CTNNA2: variants seen among roughly 807,000 people sequenced by gnomAD.
CTNNA2 encodes catenin alpha-2.
Under a neutral mutation model 101.0 loss-of-function variants are expected in CTNNA2, and 42 were observed. That is an observed-to-expected ratio of 0.42 (90% CI 0.32 to 0.54). The LOEUF is 0.54. CTNNA2 is among the 20% of genes least tolerant of loss of function. The pLI, the probability that CTNNA2 is intolerant of heterozygous loss-of-function variation, is 0.14. For missense variants in CTNNA2, 871 were observed against 1,223.1 expected (o/e 0.71, Z 4.29); for synonymous variants, 450 against 456.4 (o/e 0.99, Z 0.18).
intron 3 of CTNNA2, among the ~76,000 whole-genome samples, chr2:79,334,034 A>G (rs1676935861): frequency 6.6e-6 from 1 of 152,172 alleles, no homozygotes; most frequent in Non-Finnish European, 1.5e-5. Context: ...TGATCAAATC[A>G]TGGTAATTGG....
intron 7 of CTNNA2, among the ~76,000 whole-genome samples, chr2:80,275,090 C>T (rs918353850): frequency 8.5e-5 from 13 of 152,138 alleles, no homozygotes; most frequent in African/African-American, 3.1e-4. Context: ...ACATATAGTT[C>T]TCTGGAGATA....
chr2:79,891,319 G>A (rs1684288698), intron 6 of CTNNA2, among the ~76,000 whole-genome samples: 1 of 152,132 alleles, frequency 6.6e-6, no homozygotes, highest in Admixed American at 6.5e-5. Flanking sequence ...CTCAGGTGAT[G>A]TATTTGAGAA....
chr2:79,912,749 G>T (rs1299951229), intron 7 of CTNNA2, among the ~76,000 whole-genome samples: 1 of 152,196 alleles, frequency 6.6e-6, no homozygotes, highest in Non-Finnish European at 1.5e-5. Flanking sequence ...AGACTTAAAA[G>T]GATGCGCGGC....
At chr2:80,610,682 C>T (rs1698390395) in intron 17 of CTNNA2, among the ~76,000 whole-genome samples, 2 of 151,628 alleles carry the variant, frequency 1.3e-5, no homozygotes, top group African/African-American at 4.8e-5. Flanking sequence ...GATGTCAAAA[C>T]AGAGAGCCAC....
At chr2:80,132,413 G>C (rs533741863) in intron 7 of CTNNA2, among the ~76,000 whole-genome samples, 3 of 152,188 alleles carry the variant, frequency 2.0e-5, no homozygotes, top group East Asian at 1.9e-4. Context: ...AAATATAAAT[G>C]TATCACAGGA....
intron 2 of CTNNA2, among the ~76,000 whole-genome samples, chr2:79,669,068 C>T (rs1008821876): frequency 6.6e-6 from 1 of 152,048 alleles, no homozygotes; most frequent in Non-Finnish European, 1.5e-5. Context: ...TTAAGATCTA[C>T]TGACAAATAC....
At chr2:80,238,183 T>G (rs1709646263) in intron 7 of CTNNA2, among the ~76,000 whole-genome samples, 1 of 152,080 alleles carries the variant, frequency 6.6e-6, no homozygotes, top group African/African-American at 2.4e-5. Context: ...CATTTATGAC[T>G]CTGTGACCTC....
intron 2 of CTNNA2, among the ~76,000 whole-genome samples, chr2:79,294,214 GGAA>G (rs755348814): frequency 0.014 from 2,019 of 147,502 alleles, 25 homozygotes; most frequent in East Asian, 0.066. Context: ...AAGAAGAAGA[GGAA>G]GAAGAAGAAG....
chr2:80,582,203 C>T (rs1335143813), intron 14 of CTNNA2, among the ~76,000 whole-genome samples: 2 of 152,162 alleles, frequency 1.3e-5, no homozygotes, highest in African/African-American at 4.8e-5. Flanking sequence ...CTTGTCAACA[C>T]AAGAGGCAAT....
chr2:79,812,934 T>C (rs551923927), intron 3 of CTNNA2, among the ~76,000 whole-genome samples: 2 of 152,112 alleles, frequency 1.3e-5, no homozygotes, highest in Non-Finnish European at 2.9e-5. Context: ...AGAGGGACAG[T>C]AACACTCCAG....
intron 14 of CTNNA2, among the ~76,000 whole-genome samples, chr2:80,584,289 A>C (rs542392783): frequency 6.6e-6 from 1 of 152,078 alleles, no homozygotes; most frequent in Non-Finnish European, 1.5e-5. Context: ...ATTAATCTAT[A>C]AGAAGGTTTG....
intron 3 of CTNNA2, among the ~76,000 whole-genome samples, chr2:79,755,692 A>G (rs1429564620): frequency 6.6e-6 from 1 of 152,214 alleles, no homozygotes; most frequent in African/African-American, 2.4e-5. Flanking sequence ...TAGCACCCCA[A>G]GTAAATCTTA....
rs187720043 is a variant in CTNNA2 at position 79,239,692 on chromosome 2, A to C, written c.-406+41616A>C. Among the ~76,000 whole-genome samples the C allele has an allele frequency of 6.6e-3, 1,009 of 152,322 alleles. 13 individuals carry two copies. Among genetic ancestry groups the C allele is most frequent in the Admixed American group, 0.03 (460 of 15,298 alleles). On this transcript the variant is annotated intron_variant, in intron 2 of 21. Coordinates refer to the CTNNA2 transcript ENST00000466387. Reference sequence around the variant, plus strand: ...GCAATTGCAACAAAAGCAAAAATTGACAAACGGGATCTAATTAAACTAAAG... The same window carrying C: ...GCAATTGCAACAAAAGCAAAAATTGCCAAACGGGATCTAATTAAACTAAAG...
At chr2:79,679,747 T>C (rs1020572561) in intron 2 of CTNNA2, among the ~76,000 whole-genome samples, 4 of 152,110 alleles carry the variant, frequency 2.6e-5, no homozygotes, top group African/African-American at 4.8e-5. Context: ...TTGCAAAACC[T>C]CTGTTTGGAG....
chr2:80,297,377 G>A (rs1409804738), intron 7 of CTNNA2, among the ~76,000 whole-genome samples: 2 of 152,126 alleles, frequency 1.3e-5, no homozygotes, highest in Non-Finnish European at 2.9e-5. Context: ...TAAGCCTCAG[G>A]TTCTTCATGT....
At chr2:80,152,774 C>T (rs981852154) in intron 7 of CTNNA2, among the ~76,000 whole-genome samples, 4 of 151,944 alleles carry the variant, frequency 2.6e-5, no homozygotes, top group African/African-American at 9.7e-5. Context: ...GTGATGTGGA[C>T]AGGGACATGG....
intron 15 of CTNNA2, among the ~76,000 whole-genome samples, chr2:80,596,795 A>C (rs1697026754): frequency 6.6e-6 from 1 of 152,134 alleles, no homozygotes; most frequent in Non-Finnish European, 1.5e-5. Context: ...CCGGTTTTCA[A>C]AGGGAATACT....
At chr2:79,611,844 G>T (rs1384524170) in intron 1 of CTNNA2, among the ~76,000 whole-genome samples, 8 of 152,156 alleles carry the variant, frequency 5.3e-5, no homozygotes, top group Non-Finnish European at 7.4e-5. Context: ...AAATAACCAC[G>T]CTTTGACTTG....
intron 7 of CTNNA2, among the ~76,000 whole-genome samples, chr2:80,362,059 A>G (rs915226785): frequency 6.6e-6 from 1 of 152,136 alleles, no homozygotes; most frequent in African/African-American, 2.4e-5. Context: ...GTTTTAGCTA[A>G]TTGACTTTGT....
Sources: gnomAD v4.1 joint callset for allele counts (sites outside exome capture counted in the v4.1 genomes callset) on GRCh38, gnomAD v4.1.1 for gene constraint, MANE v1.5 for transcripts, NCBI Gene and HGNC (gene_info 2026-07-23, HGNC 2026-07-21) for gene names.